The following SESTD1 variants were observed in gnomAD, a reference collection of about 807,000 sequenced individuals.
The protein encoded by SESTD1 is SEC14 domain and spectrin repeat-containing protein 1.
A neutral mutation model predicts 101.7 loss-of-function variants in SESTD1; 43 were observed. The observed-to-expected ratio is 0.42, with a 90% CI of 0.33 to 0.55. The LOEUF (loss-of-function observed/expected upper bound fraction) is 0.55, where lower values mean the gene tolerates loss of function less well. Among genes scored for constraint, SESTD1 ranks in the 20% least tolerant of loss-of-function variants. The pLI, the probability that SESTD1 is intolerant of heterozygous loss-of-function variation, is 0.07. For synonymous variants in SESTD1, 283 were observed against 286.8 expected (o/e 0.99, Z 0.13); for missense variants, 647 against 815.1 (o/e 0.79, Z 2.51).
At chr2:179,206,641 T>C (rs2046594434) in intron 1 of SESTD1, among the ~76,000 whole-genome samples, 1 of 134,498 alleles carries the variant, frequency 7.4e-6, no homozygotes, top group Non-Finnish European at 1.6e-5. Flanking sequence ...CTGTAATAAT[T>C]GCAACTGAGC....
chr2:179,232,742 T>G (rs1321920696), intron 1 of SESTD1, among the ~76,000 whole-genome samples: 1 of 152,204 alleles, frequency 6.6e-6, no homozygotes, highest in Non-Finnish European at 1.5e-5. Context: ...TATATACTGT[T>G]AAGTCGGAAA....
intron 1 of SESTD1, among the ~76,000 whole-genome samples, chr2:179,244,211 C>G (rs535788832): frequency 5.9e-5 from 9 of 152,226 alleles, no homozygotes; most frequent in Admixed American, 2.0e-4. Context: ...AATCCCAGCA[C>G]TTTGTGAGGC....
Position 179,207,757 on chromosome 2 carries a change from A to G in SESTD1, c.-25-15891T>C, listed in dbSNP as rs186550548. Among the ~76,000 whole-genome samples, 11 of 134,950 alleles carry G rather than the reference A, an allele frequency of 8.2e-5. 2 individuals are homozygous for G. The East Asian group carries it at 1.8e-3, about 22-fold the overall frequency. 88.5% of individuals were successfully genotyped at this position (134,950 alleles called of 152,430 possible). A position where few individuals can be genotyped will look rare whatever the true frequency, so the allele number is the denominator to read the frequency against. On this transcript the variant is annotated intron_variant, in intron 1 of 17. Coordinates refer to ENST00000428443, the MANE Select transcript of SESTD1 (RefSeq NM_178123.5). ...GAGTTCCAGATCTTTCCACTGAAAC[A>G]GTCTAACAAAATGAGAATGAACCAG... is the stretch of plus-strand genomic sequence containing the variant.
chr2:179,123,668 T>TTA (rs1553517076), intron 12 of SESTD1, 47 bp downstream of exon 12: 12 of 989,066 alleles, frequency 1.2e-5, no homozygotes, highest in East Asian at 3.0e-5. Context: ...TAATGATATT[T>TTA]AAAAAAAAAA....
rs2044392805 is a variant in SESTD1, at chr2:179,106,837, T to G, written c.*3062A>C. 1 of 151,986 alleles carries G rather than the reference T, an allele frequency of 6.6e-6. No individual in the cohort carries two copies. The highest frequency in any genetic ancestry group is 6.6e-5 in the Admixed American group (1 of 15,246). 9.4% of individuals were successfully genotyped at this position (151,986 alleles called of 1,614,324 possible). On this transcript the variant is annotated 3_prime_UTR_variant, in exon 18 of 18. Transcript: ENST00000428443. Reference sequence around the variant, plus strand: ...AAAGCCAATTTGACCTAAAATGAAGTCATCATTTTTGCATAACTCTGCTGG... The same window carrying G: ...AAAGCCAATTTGACCTAAAATGAAGGCATCATTTTTGCATAACTCTGCTGG...
chr2:179,128,644 G>A (rs545494958), intron 10 of SESTD1, among the ~76,000 whole-genome samples: 3 of 151,144 alleles, frequency 2.0e-5, no homozygotes, highest in South Asian at 2.1e-4. Context: ...CAGGAGAATC[G>A]CTTGAACCTG....
At chr2:179,111,513 G>A (rs2044505801) in intron 17 of SESTD1, among the ~76,000 whole-genome samples, 1 of 152,180 alleles carries the variant, frequency 6.6e-6, no homozygotes, top group Admixed American at 6.5e-5. Context: ...TGCCCAAGGT[G>A]TTACAGTGAG....
At chr2:179,213,889 A>C (rs1411347763) in intron 1 of SESTD1, among the ~76,000 whole-genome samples, 1 of 134,984 alleles carries the variant, frequency 7.4e-6, no homozygotes, top group Non-Finnish European at 1.6e-5. Context: ...TAAGCTTCAT[A>C]AGTGAAGGAG....
intron 4 of SESTD1, among the ~76,000 whole-genome samples, chr2:179,176,004 C>T (rs1017169914): frequency 6.6e-6 from 1 of 152,068 alleles, no homozygotes; most frequent in Admixed American, 6.6e-5. Flanking sequence ...AATAGGGGAC[C>T]AGAAGAGAAA....
intron 1 of SESTD1, among the ~76,000 whole-genome samples, chr2:179,237,567 T>G (rs2047087338): frequency 6.6e-6 from 1 of 152,182 alleles, no homozygotes; most frequent in Non-Finnish European, 1.5e-5. Context: ...TCAGTGAACA[T>G]AAGACAAATG....
intron 5 of SESTD1, among the ~76,000 whole-genome samples, chr2:179,168,264 T>A (rs1479532074): frequency 6.6e-6 from 1 of 152,202 alleles, no homozygotes; most frequent in Admixed American, 6.5e-5. Flanking sequence ...GTAAATATAT[T>A]TTCTCTTCCT....
chr2:179,215,810 T>G (rs959474891), intron 1 of SESTD1, among the ~76,000 whole-genome samples: 1 of 135,366 alleles, frequency 7.4e-6, no homozygotes, highest in Non-Finnish European at 1.6e-5. Flanking sequence ...GTTGGCTTCA[T>G]CCCTGAGATG....
At chr2:179,181,417 T>C (rs1166164831) in intron 3 of SESTD1, among the ~76,000 whole-genome samples, 1 of 152,220 alleles carries the variant, frequency 6.6e-6, no homozygotes, top group East Asian at 1.9e-4. Context: ...AAGGAAAACC[T>C]AACATGTTCA....
At chr2:179,225,294 C>T (rs2046869221) in intron 1 of SESTD1, among the ~76,000 whole-genome samples, 1 of 152,032 alleles carries the variant, frequency 6.6e-6, no homozygotes, top group Non-Finnish European at 1.5e-5. Context: ...GTATCTCCTA[C>T]AGAAGCCCTA....
chr2:179,258,265 A>G (rs543686021), intron 1 of SESTD1, among the ~76,000 whole-genome samples: 1 of 152,356 alleles, frequency 6.6e-6, no homozygotes, highest in Admixed American at 6.5e-5. Flanking sequence ...TCTACTACAA[A>G]AACATGCTAA....
chr2:179,244,875 T>C (rs2047207092), intron 1 of SESTD1, among the ~76,000 whole-genome samples: 1 of 152,198 alleles, frequency 6.6e-6, no homozygotes, highest in Non-Finnish European at 1.5e-5. Context: ...TGTAAGATGA[T>C]TATATTACAA....
chr2:179,135,965 A>C (rs1489915723), intron 9 of SESTD1, among the ~76,000 whole-genome samples: 1 of 151,918 alleles, frequency 6.6e-6, no homozygotes, highest in Non-Finnish European at 1.5e-5. Context: ...TTTCTGCTTT[A>C]CTCTTTTGTA....
At chr2:179,219,144 G>C (rs1217845025) in intron 1 of SESTD1, among the ~76,000 whole-genome samples, 2 of 152,166 alleles carry the variant, frequency 1.3e-5, no homozygotes, top group Non-Finnish European at 2.9e-5. Context: ...TGGTGGTTAA[G>C]ATGGACATCA....
At chr2:179,113,557 T>C (rs1186443665) in intron 16 of SESTD1, among the ~76,000 whole-genome samples, 1 of 152,184 alleles carries the variant, frequency 6.6e-6, no homozygotes, top group Admixed American at 6.5e-5. Context: ...TTACAACTTT[T>C]TTTTGCATTA....
Sources: allele counts gnomAD v4.1 joint callset (sites outside exome capture counted in the v4.1 genomes callset), GRCh38; gene constraint gnomAD v4.1.1; transcripts MANE v1.5; gene names NCBI Gene and HGNC (gene_info 2026-07-23, HGNC 2026-07-21).